Variants in SPECC1L observed in about 807,000 individuals in gnomAD.
SPECC1L encodes cytospin-A.
In SPECC1L, 40 loss-of-function variants were observed where a neutral mutation model predicts 116.8. The ratio of observed to expected loss-of-function variants is 0.34; its 90% confidence interval spans 0.27 to 0.45. SPECC1L has a LOEUF of 0.45. SPECC1L is among the 20% of genes least tolerant of loss of function. The pLI is 1.00. For synonymous variants in SPECC1L, 504 were observed against 500.6 expected (o/e 1.01, Z -0.09); for missense variants, 1,110 against 1,373.6 (o/e 0.81, Z 3.03).
intron 15 of SPECC1L, chr22:24,412,182 G>A: frequency 2.9e-6 from 1 of 347,648 alleles, no homozygotes; most frequent in Non-Finnish European, 5.6e-6. Flanking sequence ...TAGTTCCTTG[G>A]GGACAGGGTC....
At chr22:24,381,626 T>G (rs968551326) in intron 14 of SPECC1L, among the ~76,000 whole-genome samples, 4 of 152,216 alleles carry the variant, frequency 2.6e-5, no homozygotes, top group Non-Finnish European at 5.9e-5. Flanking sequence ...GGCTCATGCC[T>G]GTAATCCCAG....
chr22:24,401,167 G>T (rs1182609914), intron 14 of SPECC1L, among the ~76,000 whole-genome samples: 1 of 152,154 alleles, frequency 6.6e-6, no homozygotes, highest in African/African-American at 2.4e-5. Flanking sequence ...TCCAAATAGG[G>T]TTCTCACATT....
chr22:24,313,608 CTCA>C, intron 4 of SPECC1L, 142 bp downstream of exon 4: 4 of 937,284 alleles, frequency 4.3e-6, no homozygotes, highest in Non-Finnish European at 6.7e-6. Flanking sequence ...GCCCAATACG[CTCA>C]TCACCATTAT....
At chr22:24,319,717 T>C (rs939512708) in intron 4 of SPECC1L, among the ~76,000 whole-genome samples, 1 of 152,202 alleles carries the variant, frequency 6.6e-6, no homozygotes, top group African/African-American at 2.4e-5. Flanking sequence ...TTTCGTTGTC[T>C]GTCTTTTTGC....
chr22:24,277,501 A>G (rs556124828), intron 2 of SPECC1L, among the ~76,000 whole-genome samples: 2,436 of 151,900 alleles, frequency 0.016, 18 homozygotes, highest in Middle Eastern at 0.045. Context: ...CAATACCTCA[A>G]AAAGAAGTCT....
chr22:24,355,596 C>T (rs1272729483), intron 11 of SPECC1L, among the ~76,000 whole-genome samples: 1 of 152,144 alleles, frequency 6.6e-6, no homozygotes, highest in Non-Finnish European at 1.5e-5. Flanking sequence ...ATTTTCCCTT[C>T]CCTTACTTAT....
intron 14 of SPECC1L, among the ~76,000 whole-genome samples, chr22:24,406,615 TG>T (rs1394376814): frequency 6.6e-6 from 1 of 152,152 alleles, no homozygotes; most frequent in Non-Finnish European, 1.5e-5. Flanking sequence ...AAGGCCTCAC[TG>T]GGTGCTGGTC....
At chr22:24,334,150 G>A (rs1601570404) in intron 8 of SPECC1L, among the ~76,000 whole-genome samples, 1 of 151,544 alleles carries the variant, frequency 6.6e-6, no homozygotes, top group South Asian at 2.1e-4. Flanking sequence ...GTAGCTGGGA[G>A]TACAGGCGCC....
chr22:24,294,618 C>A lies in SPECC1L; in HGVS notation c.-37-7577C>A, dbSNP rs569785488. On this transcript the variant is annotated intron_variant, in intron 2 of 16. Coordinates refer to ENST00000314328, the MANE Select transcript of SPECC1L (RefSeq NM_015330.6). ...GGCTGGTCTCAAACTTCTGACCTCA[C>A]TTGATCCACCTGCCTCGGCCTCCCA... 9.5e-3 allele frequency among the ~76,000 whole-genome samples: 1,424 copies of A among 150,348 alleles called. 12 individuals carry two copies. The highest frequency in any genetic ancestry group is 0.011 in the Non-Finnish European group (740 of 67,930).
intron 7 of SPECC1L, among the ~76,000 whole-genome samples, chr22:24,329,524 C>T (rs2040895880): frequency 6.6e-6 from 1 of 152,200 alleles, no homozygotes; most frequent in Non-Finnish European, 1.5e-5. Flanking sequence ...GAAAGCTACT[C>T]AGTCGTTTGG....
chr22:24,276,155 C>T (rs2048832363), intron 1 of SPECC1L, among the ~76,000 whole-genome samples: 1 of 152,122 alleles, frequency 6.6e-6, no homozygotes, highest in African/African-American at 2.4e-5. Context: ...GAGGAGAGGA[C>T]TGCTTGAGGC....
At chr22:24,318,322 C>T (rs555992254) in intron 4 of SPECC1L, among the ~76,000 whole-genome samples, 35 of 152,352 alleles carry the variant, frequency 2.3e-4, no homozygotes, top group African/African-American at 8.4e-4. Flanking sequence ...AGCTGGAGAC[C>T]AGCCCGGCCA....
rs763790406 is a variant in SPECC1L at position 24,365,465 on chromosome 22, A to G, written c.2828-11A>G. 3.6e-5 allele frequency: 58 copies of G among 1,613,210 alleles called. No homozygotes were observed. Among genetic ancestry groups the G allele is most frequent in the African/African-American group, 1.6e-4 (12 of 74,920 alleles). On this transcript the variant is annotated splice_polypyrimidine_tract_variant and intron_variant, in intron 12 of 16. Coordinates refer to ENST00000314328, the MANE Select transcript of SPECC1L (RefSeq NM_015330.6). ...TTTTGCTATAGAGTGCATAATGACT[A>G]TTTCTCACAGTGTCTCGACGAAGTA...
intron 2 of SPECC1L, among the ~76,000 whole-genome samples, chr22:24,298,358 CAT>C (rs1459964715): frequency 3.9e-5 from 6 of 152,152 alleles, no homozygotes; most frequent in Admixed American, 1.3e-4. Context: ...TAGGCAAAAA[CAT>C]AGTATATATG....
intron 2 of SPECC1L, among the ~76,000 whole-genome samples, chr22:24,288,955 A>G (rs2049104965): frequency 6.6e-6 from 1 of 152,188 alleles, no homozygotes; most frequent in African/African-American, 2.4e-5. Context: ...GATTTTTTAC[A>G]TTGTTATATT....
chr22:24,392,982 A>G (rs1601337323), intron 14 of SPECC1L, among the ~76,000 whole-genome samples: 1 of 152,214 alleles, frequency 6.6e-6, no homozygotes, highest in East Asian at 1.9e-4. Context: ...TGGTGGCCAC[A>G]TTCCAAGGAC....
At chr22:24,327,088 G>A (rs1437280747) in intron 6 of SPECC1L, among the ~76,000 whole-genome samples, 1 of 151,798 alleles carries the variant, frequency 6.6e-6, no homozygotes, top group Non-Finnish European at 1.5e-5. Flanking sequence ...GACCAGCCTG[G>A]CCAACATGGT....
chr22:24,351,599 A>G (rs1486350924), intron 11 of SPECC1L, among the ~76,000 whole-genome samples: 1 of 152,174 alleles, frequency 6.6e-6, no homozygotes, highest in African/African-American at 2.4e-5. Context: ...GAGAAAGGAA[A>G]CACACTTAGA....
intron 14 of SPECC1L, among the ~76,000 whole-genome samples, chr22:24,401,497 C>G (rs765691889): frequency 5.3e-5 from 8 of 152,226 alleles, no homozygotes; most frequent in Non-Finnish European, 1.2e-4. Context: ...AATTCTGTCA[C>G]TCCTTCCTTC....
Sources: allele counts gnomAD v4.1 joint callset (sites outside exome capture counted in the v4.1 genomes callset), GRCh38; gene constraint gnomAD v4.1.1; transcripts MANE v1.5; gene names NCBI Gene and HGNC (gene_info 2026-07-23, HGNC 2026-07-21).